Variants in MECR observed in about 807,000 individuals in gnomAD.
MECR encodes mitochondrial trans-2-enoyl-CoA reductase.
A neutral mutation model predicts 49.1 loss-of-function variants in MECR; 37 were observed. The ratio of observed to expected loss-of-function variants is 0.75; its 90% confidence interval spans 0.58 to 0.99. MECR has a LOEUF of 0.99. Among genes scored for constraint, MECR ranks in the 50% least tolerant of loss-of-function variants. MECR has a pLI of 0.00. For synonymous variants in MECR, 198 were observed against 191.1 expected (o/e 1.04, Z -0.30); for missense variants, 470 against 479.6 (o/e 0.98, Z 0.19).
downstream of MECR, among the ~76,000 whole-genome samples, chr1:29,188,840 A>G (rs941074826): frequency 5.3e-5 from 8 of 151,812 alleles, no homozygotes; most frequent in African/African-American, 1.7e-4. Context: ...GGGTTTCACC[A>G]TGTTGGCCAG....
chr1:29,220,587 A>G (rs1680538631), intron 1 of MECR: 1 of 152,260 alleles, frequency 6.6e-6, no homozygotes, highest in African/African-American at 2.4e-5. Context: ...TCTCACGTGC[A>G]GTGACACTGC....
At chr1:29,210,565 T>G (rs1482762426) in intron 3 of MECR, among the ~76,000 whole-genome samples, 2 of 152,190 alleles carry the variant, frequency 1.3e-5, no homozygotes, top group Non-Finnish European at 2.9e-5. Flanking sequence ...ATTCCCCTTA[T>G]GGCACGACAA....
Position 29,230,851 on chromosome 1 carries a change from C to CCCCGCCACTGCCGGGCGGGGGTTCGCA in MECR, c.29_55dup (p.Val10_Arg18dup). ...GTGACAGCCAGAAGCTGGGAGCAGC[C>CCCCGCCACTGCCGGGCGGGGGTTCGCA]CCCGCCACTGCCGGGCGGGGGTTCG... On this transcript the variant is annotated inframe_insertion, in exon 1 of 10. Transcript: ENST00000263702. The CCCCGCCACTGCCGGGCGGGGGTTCGCA allele has an allele frequency of 5.6e-6, 9 of 1,608,202 alleles. No homozygotes were observed. The East Asian group carries it at 6.7e-5, about 12-fold the overall frequency.
chr1:29,171,793 T>C, the MECR span: 1 of 152,132 alleles, frequency 6.6e-6, no homozygotes, highest in Non-Finnish European at 1.5e-5. Context: ...GTGCCTATCT[T>C]TTAAGAAGGG....
At chr1:29,197,724 G>T (rs1674338755) in intron 7 of MECR, among the ~76,000 whole-genome samples, 1 of 152,200 alleles carries the variant, frequency 6.6e-6, no homozygotes, top group Admixed American at 6.5e-5. Context: ...GTAGAAAGTA[G>T]CTCCTGGGAG....
At chr1:29,179,590 C>T in the MECR span, among the ~76,000 whole-genome samples, 3 of 152,304 alleles carry the variant, frequency 2.0e-5, no homozygotes, top group South Asian at 6.2e-4. Context: ...CTGAAGTAAT[C>T]TTCACACTTC....
At chr1:29,203,394 T>C (rs934671041) in intron 4 of MECR, among the ~76,000 whole-genome samples, 161 bp from the exon 5 acceptor site, 1 of 152,246 alleles carries the variant, frequency 6.6e-6, no homozygotes, top group Non-Finnish European at 1.5e-5. Flanking sequence ...TGTTTCTCAC[T>C]GTTCTCCTAA....
chr1:29,230,881 C>A lies in MECR; in HGVS notation c.26G>T (p.Arg9Leu). The A allele has an allele frequency of 6.2e-7, 1 of 1,609,370 alleles. No individual in the cohort carries two copies. The highest frequency in any genetic ancestry group is 8.5e-7 in the Non-Finnish European group (1 of 1,179,676). The stretch of plus-strand genomic sequence containing the variant: ...CCACTGCCGGGCGGGGGTTCGCACC[C>A]GCCACAGGGTACTGCAGACCCACAT... Reference protein sequence around the residue: MWVCSTLWRVRTPARQWRG... With the variant: MWVCSTLWLVRTPARQWRG... The change falls in exon 1 of 10, where the codon CGG (arginine) becomes CTG (leucine). Residue 9 changes from arginine to leucine, a missense_variant. Arg to Leu is a moderately radical substitution (Grantham distance 102, BLOSUM62 -2). Coordinates refer to ENST00000263702, the MANE Select transcript of MECR (RefSeq NM_016011.5).
chr1:29,210,139 T>G (rs1393524465), intron 3 of MECR, among the ~76,000 whole-genome samples: 1 of 151,966 alleles, frequency 6.6e-6, no homozygotes, highest in African/African-American at 2.4e-5. Context: ...GCCTCCCAAG[T>G]AGCTGGGACT....
At chr1:29,230,438 C>A (rs1553355028) in intron 1 of MECR, 1 of 396,348 alleles carries the variant, frequency 2.5e-6, no homozygotes, top group Non-Finnish European at 4.5e-6. Context: ...ATAACTACCC[C>A]AAAACATTGT....
chr1:29,229,959 A>C (rs895879104), intron 1 of MECR, among the ~76,000 whole-genome samples: 1 of 152,252 alleles, frequency 6.6e-6, no homozygotes, highest in Non-Finnish European at 1.5e-5. Flanking sequence ...AAAGTCATAA[A>C]AGTAACGAGA....
At chr1:29,226,952 C>CTTTT (rs890320572) in intron 1 of MECR, among the ~76,000 whole-genome samples, 84 of 99,718 alleles carry the variant, frequency 8.4e-4, no homozygotes, top group Admixed American at 1.2e-3. Flanking sequence ...TGGGAACTAT[C>CTTTT]TTTTTTTTTT....
downstream of MECR, among the ~76,000 whole-genome samples, chr1:29,190,920 C>A (rs2151835186): frequency 6.6e-6 from 1 of 152,218 alleles, no homozygotes; most frequent in Non-Finnish European, 1.5e-5. Flanking sequence ...TTTATTCCGG[C>A]CTGCCATGTA....
chr1:29,194,568 T>C (rs1363549896), intron 9 of MECR, among the ~76,000 whole-genome samples: 1 of 152,076 alleles, frequency 6.6e-6, no homozygotes, highest in Non-Finnish European at 1.5e-5. Flanking sequence ...TGGGTATGCC[T>C]GGCACGCCAA....
chr1:29,174,971 C>T, the MECR span, among the ~76,000 whole-genome samples: 137 of 144,432 alleles, frequency 9.5e-4, 1 homozygote, highest in South Asian at 2.3e-3. Flanking sequence ...CACAACTGGC[C>T]GGTGGGTTTT....
At chr1:29,171,865 CAGTATATTAAACTG>C in the MECR span, 1 of 152,158 alleles carries the variant, frequency 6.6e-6, no homozygotes, top group Admixed American at 6.5e-5. Flanking sequence ...AGGAGCAAAA[CAGTATATTAAACTG>C]AAGAACAGGG....
chr1:29,201,982 T>G lies in MECR; in HGVS notation c.717A>C (p.Glu239Asp). Residue 239 changes from glutamate (E) to aspartate (D), a missense_variant, in exon 6 of 10, where the codon GAA (glutamate) becomes GAC (aspartate). By Grantham distance (45) the Glu-to-Asp change is conservative. Coordinates refer to ENST00000263702, the MANE Select transcript of MECR (RefSeq NM_016011.5). The surrounding 1 kb of genome is among the most constrained non-coding windows in gnomAD (Gnocchi z 4.3). ...TCATTTCGGGCCTTCTTAGCTCCTC[T>G]TCTGTGATGACATGCTCAGCCCCCA... The part of the protein sequence containing the change: ...KSLGAEHVIT[E>D]EELRRPEMKN... 1 of 1,614,190 alleles carries G rather than the reference T, an allele frequency of 6.2e-7. No individual in the cohort carries two copies. Among genetic ancestry groups the G allele is most frequent in the Non-Finnish European group, 8.5e-7 (1 of 1,180,032 alleles).
chr1:29,181,781 G>GGCCCCA, the MECR span: 4 of 1,544,706 alleles, frequency 2.6e-6, no homozygotes, highest in Admixed American at 1.9e-5. Context: ...GGCTGGCCCC[G>GGCCCCA]GCCCCAGCCC....
chr1:29,181,348 C>T, the MECR span, among the ~76,000 whole-genome samples: 12 of 152,370 alleles, frequency 7.9e-5, no homozygotes, highest in African/African-American at 2.6e-4. Context: ...CCAGGTCTCC[C>T]GGGCGCCCTG....
Sources: allele counts gnomAD v4.1 joint callset (sites outside exome capture counted in the v4.1 genomes callset), GRCh38; gene constraint gnomAD v4.1.1; non-coding constraint Gnocchi (gnomAD v3.1); transcripts MANE v1.5; gene names NCBI Gene and HGNC (gene_info 2026-07-23, HGNC 2026-07-21).